JMJD1C: variants seen among roughly 807,000 people sequenced by gnomAD.
JMJD1C encodes jumonji domain containing 1C.
JMJD1C carries 31 observed loss-of-function variants against 245.3 expected under a neutral mutation model. The ratio of observed to expected loss-of-function variants is 0.13; its 90% CI spans 0.09 to 0.17. The LOEUF is 0.17. Ranked by LOEUF, JMJD1C falls within the 10% of genes least tolerant of loss-of-function variation. The pLI is 1.00. For missense variants in JMJD1C, 2,691 were observed against 3,000.2 expected (o/e 0.90, Z 2.41); for synonymous variants, 1,057 against 1,017.4 (o/e 1.04, Z -0.74).
chr10:63,282,038 T>G (rs1857467308), intron 2 of JMJD1C, among the ~76,000 whole-genome samples: 1 of 152,234 alleles, frequency 6.6e-6, no homozygotes, highest in Admixed American at 6.5e-5. Context: ...ATATGCCTCT[T>G]CCAGTTTTTC....
intron 1 of JMJD1C, among the ~76,000 whole-genome samples, chr10:63,502,774 T>C (rs1954600984): frequency 6.6e-6 from 1 of 152,216 alleles, no homozygotes; most frequent in Non-Finnish European, 1.5e-5. Context: ...ATTATTTTTA[T>C]TTTATTTTTT....
At chr10:63,215,190 T>TA in intron 7 of JMJD1C, 39 bp from the exon 8 acceptor site, 1 of 1,504,422 alleles carries the variant, frequency 6.6e-7, no homozygotes, top group Non-Finnish European at 9.0e-7. Flanking sequence ...TTTTTCATAC[T>TA]AAATAAGCAT....
intron 3 of JMJD1C, among the ~76,000 whole-genome samples, chr10:63,232,101 G>A (rs770774864): frequency 4.6e-5 from 7 of 152,072 alleles, no homozygotes; most frequent in African/African-American, 7.2e-5. Context: ...GCCTCCCAAA[G>A]TGTTGGAATT....
intron 1 of JMJD1C, among the ~76,000 whole-genome samples, chr10:63,430,532 C>A (rs1386161773): frequency 6.6e-6 from 1 of 152,162 alleles, no homozygotes; most frequent in African/African-American, 2.4e-5. Flanking sequence ...ATGTTCACAA[C>A]AGACATTTCC....
At chr10:63,314,531 A>C (rs976446781) in intron 2 of JMJD1C, among the ~76,000 whole-genome samples, 2 of 147,380 alleles carry the variant, frequency 1.4e-5, no homozygotes, top group African/African-American at 5.0e-5. Flanking sequence ...CTACAACCAG[A>C]GTGAGACCCT....
chr10:63,428,107 A>C (rs2132811625), intron 1 of JMJD1C, among the ~76,000 whole-genome samples: 1 of 152,328 alleles, frequency 6.6e-6, no homozygotes, highest in South Asian at 2.1e-4. Flanking sequence ...ACTTTACCAA[A>C]CATCATAGAT....
intron 1 of JMJD1C, among the ~76,000 whole-genome samples, chr10:63,476,972 G>T (rs1953681326): frequency 6.6e-6 from 1 of 151,970 alleles, no homozygotes; most frequent in Non-Finnish European, 1.5e-5. Flanking sequence ...AAGGATAAAA[G>T]AGAAAGTATA....
chr10:63,196,557 C>A (rs1318341683), intron 13 of JMJD1C, among the ~76,000 whole-genome samples: 3 of 152,142 alleles, frequency 2.0e-5, no homozygotes, highest in African/African-American at 4.8e-5. Context: ...GTAGAAGATA[C>A]TGATGGTTAA....
At chr10:63,294,457 T>C (rs1391707542) in intron 2 of JMJD1C, among the ~76,000 whole-genome samples, 1 of 152,084 alleles carries the variant, frequency 6.6e-6, no homozygotes, top group East Asian at 1.9e-4. Context: ...AGCTAATTTT[T>C]GTATTTTTGG....
At chr10:63,458,834 C>G (rs12250851) in intron 1 of JMJD1C, among the ~76,000 whole-genome samples, 4,426 of 151,980 alleles carry the variant, frequency 0.029, 234 homozygotes, top group African/African-American at 0.1. Context: ...AGCCATCCTC[C>G]CACCTCAGTA....
intron 3 of JMJD1C, among the ~76,000 whole-genome samples, chr10:63,244,507 T>C (rs968487502): frequency 1.3e-5 from 2 of 151,982 alleles, no homozygotes; most frequent in Non-Finnish European, 2.9e-5. Context: ...GACATAGACA[T>C]ACATCCAAAA....
intron 2 of JMJD1C, among the ~76,000 whole-genome samples, chr10:63,300,878 T>G (rs1251806001): frequency 7.5e-6 from 1 of 134,210 alleles, no homozygotes; most frequent in East Asian, 2.1e-4. Flanking sequence ...GGCAACAGAT[T>G]GAGACTCTGT....
intron 2 of JMJD1C, among the ~76,000 whole-genome samples, chr10:63,304,159 A>G (rs1398882419): frequency 6.6e-6 from 1 of 152,228 alleles, no homozygotes; most frequent in Non-Finnish European, 1.5e-5. Context: ...AAATATCTTA[A>G]ATTGTTATGA....
chr10:63,393,892 G>A (rs1019859228), intron 1 of JMJD1C, among the ~76,000 whole-genome samples: 2 of 152,038 alleles, frequency 1.3e-5, no homozygotes, highest in Non-Finnish European at 2.9e-5. Flanking sequence ...TAAAGCTATC[G>A]TAAAGGTGCC....
chr10:63,490,559 A>T (rs1329454088), intron 1 of JMJD1C, among the ~76,000 whole-genome samples: 3 of 151,700 alleles, frequency 2.0e-5, no homozygotes, highest in Non-Finnish European at 4.4e-5. Flanking sequence ...GGGACTACAG[A>T]TACGCGCCAC....
intron 1 of JMJD1C, among the ~76,000 whole-genome samples, chr10:63,424,317 A>G (rs1950303398): frequency 6.6e-6 from 1 of 150,662 alleles, no homozygotes; most frequent in Admixed American, 6.6e-5. Context: ...TACCCCTGCC[A>G]TGGCCTCCCA....
intron 1 of JMJD1C, among the ~76,000 whole-genome samples, chr10:63,440,527 T>C (rs1041616955): frequency 4.6e-5 from 7 of 152,058 alleles, no homozygotes; most frequent in Non-Finnish European, 8.8e-5. Context: ...AATTACATTG[T>C]TTTTCATTCA....
intron 8 of JMJD1C, among the ~76,000 whole-genome samples, chr10:63,211,464 C>CAAAA (rs71025124): frequency 9.7e-6 from 1 of 103,448 alleles, no homozygotes; most frequent in Non-Finnish European, 2.0e-5. Flanking sequence ...GACTCCATCT[C>CAAAA]AAAAAAAAAA....
At chr10:63,187,705 T>C (rs947786970) in intron 18 of JMJD1C, among the ~76,000 whole-genome samples, 2 of 152,292 alleles carry the variant, frequency 1.3e-5, no homozygotes, top group African/African-American at 4.8e-5. Context: ...CCTCCCAAAA[T>C]GTTGGGATTA....
Sources: allele counts gnomAD v4.1 joint callset (sites outside exome capture counted in the v4.1 genomes callset), GRCh38; gene constraint gnomAD v4.1.1; transcripts MANE v1.5; gene names NCBI Gene and HGNC (gene_info 2026-07-23, HGNC 2026-07-21).